PCDH15: variants seen among roughly 807,000 people sequenced by gnomAD.
The protein encoded by PCDH15 is protocadherin related 15.
In PCDH15, 129 loss-of-function variants were observed where a neutral mutation model predicts 178.5. That is an observed-to-expected ratio of 0.72 (90% CI 0.63 to 0.84). The LOEUF is 0.84. Ranked by LOEUF, PCDH15 falls within the 40% of genes least tolerant of loss-of-function variation. The pLI, the probability that PCDH15 is intolerant of heterozygous loss-of-function variation, is 0.00. For missense variants in PCDH15, 2,230 were observed against 2,099.9 expected (o/e 1.06, Z -1.21); for synonymous variants, 800 against 732.0 (o/e 1.09, Z -1.50).
At chr10:55,142,891 G>T (rs1838393407) in intron 2 of PCDH15, among the ~76,000 whole-genome samples, 1 of 151,970 alleles carries the variant, frequency 6.6e-6, no homozygotes, top group African/African-American at 2.4e-5. Context: ...AATGCAAAGT[G>T]AGTGATATGA....
At chr10:55,306,025 T>C (rs1451222354) in intron 1 of PCDH15, among the ~76,000 whole-genome samples, 2 of 152,234 alleles carry the variant, frequency 1.3e-5, no homozygotes, top group Admixed American at 1.3e-4. Context: ...ACTGATTTTT[T>C]AATTAACATT....
At chr10:55,527,792 T>A (rs1841335412) in intron 2 of PCDH15, among the ~76,000 whole-genome samples, 1 of 152,064 alleles carries the variant, frequency 6.6e-6, no homozygotes. Context: ...TGAATGTACA[T>A]TTTTAAAGTG....
chr10:55,219,082 G>T (rs1030748074), intron 1 of PCDH15, among the ~76,000 whole-genome samples: 1 of 151,818 alleles, frequency 6.6e-6, no homozygotes, highest in Non-Finnish European at 1.5e-5. Context: ...TGCTCCTTCT[G>T]GTAGAAATAT....
chr10:54,495,915 A>T (rs1364970989), intron 3 of PCDH15, among the ~76,000 whole-genome samples: 1 of 152,164 alleles, frequency 6.6e-6, no homozygotes, highest in Non-Finnish European at 1.5e-5. Flanking sequence ...ATCTACAAGC[A>T]TTCCTCTATT....
chr10:54,594,151 T>C (rs2092062754), intron 2 of PCDH15, among the ~76,000 whole-genome samples: 1 of 152,082 alleles, frequency 6.6e-6, no homozygotes, highest in South Asian at 2.1e-4. Flanking sequence ...TCTGGAATCA[T>C]AGCAGGAGGA....
chr10:54,294,841 T>C (rs948955302), intron 8 of PCDH15, among the ~76,000 whole-genome samples: 4 of 152,190 alleles, frequency 2.6e-5, no homozygotes, highest in Non-Finnish European at 4.4e-5. Flanking sequence ...AAAGGCATTG[T>C]GGTATGCCAT....
In PCDH15 at chr10:55,463,973, GAGAAAGAAAGAAAGAAAGAGAA is replaced by G. The variant is rs1839758789; in HGVS notation, c.-156+163630_-156+163651del. Among the ~76,000 whole-genome samples, 3 of 11,764 alleles carry G rather than the reference GAGAAAGAAAGAAAGAAAGAGAA, an allele frequency of 2.6e-4. 1 individual carries two copies. Among genetic ancestry groups the G allele is most frequent in the Middle Eastern group, 0.062 (2 of 32 alleles). 7.7% of individuals were successfully genotyped at this position (11,764 alleles called of 152,430 possible). A position where few individuals can be genotyped will look rare whatever the true frequency, so the allele number is the denominator to read the frequency against. ...AGAAAGAAAGAAAGAAAGAAAGAAAGAGAAAGAAAGAAAGAAAGAGAAAGAAAGAAAGAAAGAAAGAAAGAAA... is the reference window on the plus strand; with the variant it reads ...AGAAAGAAAGAAAGAAAGAAAGAAAGAGAAAGAAAGAAAGAAAGAAAGAAA... On this transcript the variant is annotated intron_variant, in intron 2 of 5. Transcript: ENST00000613346.
chr10:54,476,742 C>G (rs1338526283), intron 3 of PCDH15, among the ~76,000 whole-genome samples: 1 of 152,080 alleles, frequency 6.6e-6, no homozygotes, highest in African/African-American at 2.4e-5. Flanking sequence ...GAAACCTTTT[C>G]TACACTCCAG....
intron 20 of PCDH15, among the ~76,000 whole-genome samples, chr10:54,007,464 C>T (rs1387244209): frequency 6.6e-6 from 1 of 151,744 alleles, no homozygotes; most frequent in East Asian, 1.9e-4. Flanking sequence ...AGAAAAATAT[C>T]TACAAGTAAA....
chr10:53,855,176 A>C (rs2078641392), intron 28 of PCDH15, among the ~76,000 whole-genome samples: 1 of 152,028 alleles, frequency 6.6e-6, no homozygotes, highest in Non-Finnish European at 1.5e-5. Flanking sequence ...TCGTAGAGAT[A>C]ATATTCTAGT....
At chr10:54,982,514 G>A (rs1387138389) in intron 2 of PCDH15, among the ~76,000 whole-genome samples, 2 of 152,056 alleles carry the variant, frequency 1.3e-5, no homozygotes, top group African/African-American at 4.8e-5. Flanking sequence ...TTTTAGAAGA[G>A]AGAAACACAA....
At chr10:54,395,175 G>A (rs950226652) in intron 3 of PCDH15, among the ~76,000 whole-genome samples, 1 of 152,110 alleles carries the variant, frequency 6.6e-6, no homozygotes, top group Non-Finnish European at 1.5e-5. Flanking sequence ...CATTGGGGAA[G>A]TGATAAGTGT....
intron 2 of PCDH15, among the ~76,000 whole-genome samples, chr10:54,579,618 C>G (rs1272249147): frequency 1.3e-5 from 2 of 152,044 alleles, no homozygotes; most frequent in Non-Finnish European, 1.5e-5. Context: ...AAATTTGACA[C>G]TTCACCAGTT....
intron 3 of PCDH15, among the ~76,000 whole-genome samples, chr10:54,814,080 G>A (rs556698105): frequency 6.6e-6 from 1 of 152,238 alleles, no homozygotes; most frequent in East Asian, 1.9e-4. Flanking sequence ...ATTCATAGAT[G>A]TTCCTAAAAT....
intron 1 of PCDH15, among the ~76,000 whole-genome samples, chr10:54,738,041 G>A (rs1944342443): frequency 6.6e-6 from 1 of 152,028 alleles, no homozygotes; most frequent in Non-Finnish European, 1.5e-5. Flanking sequence ...TCTGAGCAGG[G>A]GGTGAACTTC....
chr10:54,089,977 A>C lies in PCDH15; in HGVS notation c.1997+7T>G, dbSNP rs2094572958. 6.3e-7 allele frequency: 1 copy of C among 1,598,556 alleles called. No individual in the cohort carries two copies. ...TTTTTTAAAGTAGGAAATCATTTTT[A>C]ACTTACGTTTCTGAAAGATTAAAAA... On this transcript the variant is annotated splice_region_variant and intron_variant, in intron 16 of 37. Transcript: ENST00000644397.
intron 2 of PCDH15, among the ~76,000 whole-genome samples, chr10:54,573,230 T>A (rs1324322368): frequency 6.6e-6 from 1 of 152,152 alleles, no homozygotes; most frequent in African/African-American, 2.4e-5. Flanking sequence ...ACTCCAAATG[T>A]ACAATACCAT....
At chr10:55,523,776 TTG>T (rs1373897478) in intron 2 of PCDH15, among the ~76,000 whole-genome samples, 1 of 151,660 alleles carries the variant, frequency 6.6e-6, no homozygotes, top group Non-Finnish European at 1.5e-5. Flanking sequence ...TTGATTAACA[TTG>T]CTTAAGGCCA....
At chr10:54,041,786 A>G (rs2093552681) in intron 18 of PCDH15, among the ~76,000 whole-genome samples, 1 of 152,092 alleles carries the variant, frequency 6.6e-6, no homozygotes, top group African/African-American at 2.4e-5. Flanking sequence ...AGAACTCTTA[A>G]ACTTTAGTTT....
Sources: allele counts gnomAD v4.1 joint callset (sites outside exome capture counted in the v4.1 genomes callset), GRCh38; gene constraint gnomAD v4.1.1; transcripts MANE v1.5; gene names NCBI Gene and HGNC (gene_info 2026-07-23, HGNC 2026-07-21).